GABRD: variants seen among roughly 807,000 people sequenced by gnomAD.
The protein encoded by GABRD is gamma-aminobutyric acid type A receptor subunit delta.
GABRD carries 25 observed loss-of-function variants against 47.3 expected under a neutral mutation model. The observed-to-expected ratio is 0.53, with a 90% CI of 0.39 to 0.74. The LOEUF is 0.74. Among genes scored for constraint, GABRD ranks in the 30% least tolerant of loss-of-function variants. The pLI, the probability that GABRD is intolerant of heterozygous loss-of-function variation, is 0.00. For missense variants in GABRD, 497 were observed against 643.4 expected, an observed-to-expected ratio of 0.77 and a Z score of 2.46; for synonymous variants, 314 against 278.8, an observed-to-expected ratio of 1.13 and a Z score of -1.26.
chr1:2,027,801 C>T, intron 5 of GABRD, 142 bp downstream of exon 5: 1 of 797,254 alleles, frequency 1.3e-6, no homozygotes, highest in South Asian at 1.6e-5. Context: ...GAAGCCTGGG[C>T]AGGAGGAGAA....
rs774518554 is a variant in GABRD, at chr1:2,030,213, C to T, written c.1290C>T (p.Tyr430=). The part of the protein sequence containing the change: ...RPIDADTIDI[Y]ARAVFPAAFA... ...TCGACGCAGACACCATTGACATTTA[C>T]GCCCGCGCTGTGTTCCCTGCGGCGT... The change falls in exon 9 of 9, where the codon TAC becomes TAT. Residue 430 remains tyrosine, a synonymous_variant. Transcript: ENST00000378585. The T allele has an allele frequency of 1.2e-5, 18 of 1,563,530 alleles. No homozygotes were observed. In the South Asian group the frequency reaches 1.3e-4, roughly 11 times the overall value.
chr1:2,025,293 G>A, intron 2 of GABRD, 41 bp from the exon 3 acceptor site: 2 of 1,610,604 alleles, frequency 1.2e-6, no homozygotes, highest in Non-Finnish European at 1.7e-6. Flanking sequence ...TCCCATGCTG[G>A]GCCGGCCTCA....
chr1:2,029,808 A>C (rs1659034080), intron 8 of GABRD, 46 bp downstream of exon 8: 1 of 1,564,834 alleles, frequency 6.4e-7, no homozygotes, highest in South Asian at 1.1e-5. Context: ...TGGGGGCCCC[A>C]ACCAGGACCC....
rs778073598 is a variant in GABRD, at chr1:2,025,029, C to T, written c.156C>T (p.Ala52=). The T allele has an allele frequency of 1.2e-6, 2 of 1,612,664 alleles. No homozygotes were observed. Among genetic ancestry groups the T allele is most frequent in the Non-Finnish European group, 1.7e-6 (2 of 1,179,756 alleles). ...TGGACGGGCTGATAGCCGGCTACGC[C>T]CGCAACTTCCGGCCTGGCATCGGAG... The part of the protein sequence containing the change: ...PNLDGLIAGY[A]RNFRPGIGGP... Residue 52 remains alanine (A), a synonymous_variant, in exon 2 of 9, where the codon GCC becomes GCT. Coordinates refer to ENST00000378585, the MANE Select transcript of GABRD (RefSeq NM_000815.5).
At chr1:2,022,451 G>A (rs1462387059) in intron 1 of GABRD, 1 of 152,280 alleles carries the variant, frequency 6.6e-6, no homozygotes, top group Non-Finnish European at 1.5e-5. Context: ...GATGGCAAAG[G>A]TGCCTCCAGG....
At chr1:2,029,790 A>C (rs1659033472) in intron 8 of GABRD, 28 bp downstream of exon 8, 4 of 1,598,140 alleles carry the variant, frequency 2.5e-6, no homozygotes, top group Non-Finnish European at 3.4e-6. Context: ...AGCCAGGGAC[A>C]GCACTGCTGG....
chr1:2,019,515 C>T, intron 1 of GABRD, 24 bp downstream of exon 1: 1 of 1,090,012 alleles, frequency 9.2e-7, no homozygotes, highest in Non-Finnish European at 1.1e-6. Flanking sequence ...GTCCGCGCGG[C>T]GCGGGGTCGG....
In GABRD at chr1:2,029,633, G is replaced by A. The variant is rs1173765240; in HGVS notation, c.930G>A (p.Leu310=). 6.2e-7 allele frequency: 1 copy of A among 1,613,460 alleles called. No homozygotes were observed. Among genetic ancestry groups the A allele is most frequent in the East Asian group, 2.2e-5 (1 of 44,882 alleles). Residue 310 remains leucine (L), a synonymous_variant, in exon 8 of 9, where the codon CTG becomes CTA. Transcript: ENST00000378585. The part of the protein sequence containing the change: ...SLPRASAIKA[L]DVYFWICYVF... ...CACGGGCATCAGCCATCAAGGCACT[G>A]GACGTCTACTTCTGGATCTGCTATG... is the stretch of plus-strand genomic sequence containing the variant.
Sources: gnomAD v4.1 joint callset for allele counts on GRCh38, gnomAD v4.1.1 for gene constraint, MANE v1.5 for transcripts, NCBI Gene and HGNC (gene_info 2026-07-23, HGNC 2026-07-21) for gene names.